Variants in GPR158 observed in about 807,000 individuals in gnomAD.
The protein encoded by GPR158 is G protein-coupled receptor 158, also known as metabotropic glycine receptor.
A neutral mutation model predicts 78.2 loss-of-function variants in GPR158; 30 were observed. The observed-to-expected ratio is 0.38, with a 90% CI of 0.29 to 0.52. The LOEUF is 0.52. GPR158 is among the 20% of genes least tolerant of loss of function. GPR158 has a pLI of 0.83. For synonymous variants in GPR158, 581 were observed against 591.1 expected (o/e 0.98, Z 0.25); for missense variants, 1,463 against 1,523.5 (o/e 0.96, Z 0.66).
intron 2 of GPR158, among the ~76,000 whole-genome samples, chr10:25,387,847 ATTG>A (rs1834243733): frequency 6.6e-6 from 1 of 152,062 alleles, no homozygotes; most frequent in South Asian, 2.1e-4. Context: ...TTTAAGGAAG[ATTG>A]TTGTTTATTC....
At chr10:25,246,045 A>G (rs1853684964) in intron 2 of GPR158, among the ~76,000 whole-genome samples, 1 of 152,340 alleles carries the variant, frequency 6.6e-6, no homozygotes, top group South Asian at 2.1e-4. Flanking sequence ...GTCACCCCTT[A>G]TGACAAATCT....
intron 2 of GPR158, among the ~76,000 whole-genome samples, chr10:25,323,009 G>T (rs1187200231): frequency 6.6e-6 from 1 of 151,968 alleles, no homozygotes; most frequent in African/African-American, 2.4e-5. Flanking sequence ...ACCATGCCCG[G>T]CTAATTTTTT....
intron 2 of GPR158, among the ~76,000 whole-genome samples, chr10:25,279,660 A>C (rs1718427856): frequency 6.6e-6 from 1 of 152,320 alleles, no homozygotes; most frequent in South Asian, 2.1e-4. Context: ...TCGCAGCTAC[A>C]CAGCTAGAGA....
chr10:25,300,725 A>T (rs1304639897), intron 2 of GPR158, among the ~76,000 whole-genome samples: 1 of 152,190 alleles, frequency 6.6e-6, no homozygotes, highest in Admixed American at 6.5e-5. Flanking sequence ...TCTTTTTATA[A>T]TGAGTGAGGG....
chr10:25,192,786 TAAAAA>T (rs547118550), intron 1 of GPR158, among the ~76,000 whole-genome samples: 2 of 148,408 alleles, frequency 1.3e-5, no homozygotes, highest in Non-Finnish European at 3.0e-5. Context: ...AGAAAAATGA[TAAAAA>T]AAAATAAAAA....
intron 2 of GPR158, among the ~76,000 whole-genome samples, chr10:25,390,934 C>T (rs1834287732): frequency 6.6e-6 from 1 of 152,144 alleles, no homozygotes; most frequent in Non-Finnish European, 1.5e-5. Flanking sequence ...CTCCAGGGCT[C>T]CCCTGCTTTG....
chr10:25,262,034 A>G (rs774821498), intron 2 of GPR158, among the ~76,000 whole-genome samples: 5 of 152,136 alleles, frequency 3.3e-5, no homozygotes, highest in Non-Finnish European at 7.4e-5. Context: ...TCTTGCAAGT[A>G]AAACAAGTTG....
intron 6 of GPR158, among the ~76,000 whole-genome samples, chr10:25,569,225 A>G (rs920771578): frequency 6.6e-6 from 1 of 152,118 alleles, no homozygotes; most frequent in African/African-American, 2.4e-5. Context: ...AAGCTATACA[A>G]TAAATACCCA....
intron 2 of GPR158, among the ~76,000 whole-genome samples, chr10:25,303,198 T>C (rs1854624672): frequency 6.6e-6 from 1 of 152,240 alleles, no homozygotes; most frequent in South Asian, 2.1e-4. Context: ...TGTAGCTATA[T>C]AAATTTACAT....
At chr10:25,243,841 A>G (rs1419221223) in intron 2 of GPR158, among the ~76,000 whole-genome samples, 1 of 152,214 alleles carries the variant, frequency 6.6e-6, no homozygotes. Context: ...CATCTCCAGT[A>G]AGATTAGGCT....
At chr10:25,579,370 T>A (rs892214963) in intron 7 of GPR158, among the ~76,000 whole-genome samples, 2 of 152,190 alleles carry the variant, frequency 1.3e-5, no homozygotes, top group African/African-American at 4.8e-5. Context: ...TAGAGTCAAA[T>A]AGACCAGATC....
In GPR158 at chr10:25,597,918, A is replaced by G; in HGVS notation, c.2292A>G (p.Thr764=). ...IMRRITEIPE[T]VSRQCSKEDK... is the part of the protein sequence containing the mutation. ...GACGCATTACGGAGATCCCAGAGAC[A>G]GTCAGCCGGCAGTGCTCTAAAGAGG... The change falls in exon 11 of 11, where the codon ACA becomes ACG. Residue 764 remains threonine, a synonymous_variant. Coordinates refer to ENST00000376351, the MANE Select transcript of GPR158 (RefSeq NM_020752.3). The G allele has an allele frequency of 6.2e-7, 1 of 1,612,090 alleles. No individual in the cohort carries two copies. Among genetic ancestry groups the G allele is most frequent in the Non-Finnish European group, 8.5e-7 (1 of 1,179,030 alleles).
chr10:25,314,820 C>T, intron 2 of GPR158, among the ~76,000 whole-genome samples: 1 of 122,962 alleles, frequency 8.1e-6, no homozygotes, highest in African/African-American at 3.9e-5. Flanking sequence ...GGGGAAAAAG[C>T]CTTTAGTCAT....
intron 4 of GPR158, among the ~76,000 whole-genome samples, chr10:25,423,120 CATATATAT>C (rs201548066): frequency 0.064 from 9,453 of 147,450 alleles, 419 homozygotes; most frequent in South Asian, 0.18. Context: ...CACATATATA[CATATATAT>C]GTATATACAT....
chr10:25,525,409 A>G (rs1349068584), intron 5 of GPR158, among the ~76,000 whole-genome samples: 3 of 152,216 alleles, frequency 2.0e-5, no homozygotes, highest in Non-Finnish European at 4.4e-5. Flanking sequence ...GGATAAACAC[A>G]ATGTATTATA....
At chr10:25,296,044 G>A (rs1462125363) in intron 2 of GPR158, among the ~76,000 whole-genome samples, 2 of 117,656 alleles carry the variant, frequency 1.7e-5, no homozygotes, top group Non-Finnish European at 3.8e-5. Flanking sequence ...GCATAGCAGG[G>A]GCAGGGAGGA....
At chr10:25,177,991 A>G (rs562166262) in intron 1 of GPR158, among the ~76,000 whole-genome samples, 92 of 152,206 alleles carry the variant, frequency 6.0e-4, no homozygotes, top group African/African-American at 2.2e-3. Flanking sequence ...AGCAGATGCT[A>G]TTCACTGCCA....
At chr10:25,346,903 A>G (rs1294033897) in intron 2 of GPR158, among the ~76,000 whole-genome samples, 2 of 151,994 alleles carry the variant, frequency 1.3e-5, no homozygotes, top group Non-Finnish European at 2.9e-5. Flanking sequence ...AGATGTATCC[A>G]AGTTCAAAAC....
chr10:25,586,290 C>A (rs1214679384), intron 7 of GPR158, among the ~76,000 whole-genome samples: 4 of 151,168 alleles, frequency 2.6e-5, no homozygotes, highest in Non-Finnish European at 5.9e-5. Flanking sequence ...ACATGGGCAG[C>A]TAATGTGAAG....
Sources: gnomAD v4.1 joint callset for allele counts (sites outside exome capture counted in the v4.1 genomes callset) on GRCh38, gnomAD v4.1.1 for gene constraint, MANE v1.5 for transcripts, NCBI Gene and HGNC (gene_info 2026-07-23, HGNC 2026-07-21) for gene names.